Variants in RGPD8 observed in about 807,000 individuals in gnomAD.
The protein encoded by RGPD8 is RANBP2-like and GRIP domain-containing protein 8.
RGPD8 carries 15 observed loss-of-function variants against 89.1 expected under a neutral mutation model. The observed-to-expected ratio is 0.17, with a 90% CI of 0.11 to 0.26. The LOEUF (loss-of-function observed/expected upper bound fraction) is 0.26, where lower values mean the gene tolerates loss of function less well. Among genes scored for constraint, RGPD8 ranks in the 10% least tolerant of loss-of-function variants. The pLI is 1.00. For missense variants in RGPD8, 178 were observed against 1,179.6 expected, an observed-to-expected ratio of 0.15 and a Z score of 12.44; for synonymous variants, 62 against 420.9, an observed-to-expected ratio of 0.15 and a Z score of 10.44.
intron 7 of RGPD8, among the ~76,000 whole-genome samples, chr2:112,410,618 A>G (rs1679136316): frequency 6.7e-6 from 1 of 149,216 alleles, no homozygotes; most frequent in Non-Finnish European, 1.5e-5. Context: ...TCTATTAAAA[A>G]ATACAAAAAA....
intron 6 of RGPD8, among the ~76,000 whole-genome samples, chr2:112,415,857 T>A (rs1221052075): frequency 6.8e-6 from 1 of 146,204 alleles, no homozygotes; most frequent in Non-Finnish European, 1.5e-5. Context: ...CATGCCAACC[T>A]GGCGAGAGCA....
At chr2:112,424,721 G>A (rs2104831836) in intron 1 of RGPD8, among the ~76,000 whole-genome samples, 1 of 151,726 alleles carries the variant, frequency 6.6e-6, no homozygotes, top group Admixed American at 6.6e-5. Context: ...GGGCGACAGA[G>A]ACTCCATCTC....
chr2:112,428,075 T>G (rs1449634910), intron 1 of RGPD8, among the ~76,000 whole-genome samples: 8 of 152,296 alleles, frequency 5.3e-5, no homozygotes, highest in African/African-American at 1.9e-4. Flanking sequence ...CAGAAAACCT[T>G]TAAGTTACCA....
chr2:112,382,444 GA>G (rs1300079684), intron 20 of RGPD8, among the ~76,000 whole-genome samples: 1 of 149,906 alleles, frequency 6.7e-6, no homozygotes, highest in African/African-American at 2.4e-5. Flanking sequence ...CAGAGTAACA[GA>G]CCAAGTTTAG....
At chr2:112,371,815 A>C (rs1475179618) in intron 22 of RGPD8, among the ~76,000 whole-genome samples, 1 of 143,524 alleles carries the variant, frequency 7.0e-6, no homozygotes, top group Non-Finnish European at 1.5e-5. Context: ...GTGTTTTCAT[A>C]CGTATATATG....
At chr2:112,376,471 A>G (rs1157768485) in intron 22 of RGPD8, among the ~76,000 whole-genome samples, 3 of 115,478 alleles carry the variant, frequency 2.6e-5, no homozygotes, top group Middle Eastern at 3.7e-3. Context: ...TCTTCAATTA[A>G]TAAGTGGCAC....
chr2:112,408,909 C>T (rs1341157715), intron 7 of RGPD8, among the ~76,000 whole-genome samples: 17 of 151,780 alleles, frequency 1.1e-4, no homozygotes, highest in Middle Eastern at 3.4e-3. Flanking sequence ...TGACCTTAAG[C>T]GATCCGCCCG....
intron 6 of RGPD8, 26 bp downstream of exon 6, chr2:112,417,167 A>C: frequency 6.2e-7 from 1 of 1,608,230 alleles, no homozygotes; most frequent in South Asian, 1.1e-5. Flanking sequence ...ATTTATACTA[A>C]AGCATTCTCC....
intron 1 of RGPD8, among the ~76,000 whole-genome samples, chr2:112,432,974 G>T (rs1278832626): frequency 1.7e-5 from 2 of 120,532 alleles, no homozygotes; most frequent in Non-Finnish European, 3.9e-5. Context: ...GGTCGAGGCC[G>T]CCGCCTCAAC....
chr2:112,373,029 T>C lies in RGPD8; in HGVS notation c.5264-2817A>G, dbSNP rs556791247. 4.5e-4 allele frequency among the ~76,000 whole-genome samples: 66 copies of C among 146,000 alleles called. 8 individuals are homozygous for C. Among genetic ancestry groups the C allele is most frequent in the African/African-American group, 1.5e-3 (53 of 36,152 alleles). On this transcript the variant is annotated intron_variant, in intron 22 of 22. Coordinates refer to ENST00000302558, the MANE Select transcript of RGPD8 (RefSeq NM_001164463.1). Reference sequence around the variant, plus strand: ...ACCCAGTCTGGGAGCAAAGAAGATATAGAAAAATGACTTTTACTTCCAGCT... The same window carrying C: ...ACCCAGTCTGGGAGCAAAGAAGATACAGAAAAATGACTTTTACTTCCAGCT...
intron 9 of RGPD8, among the ~76,000 whole-genome samples, chr2:112,402,425 T>C (rs1236865491): frequency 3.4e-5 from 5 of 147,788 alleles, no homozygotes; most frequent in Admixed American, 6.8e-5. Context: ...GACAATTGCT[T>C]GAACCTGGCA....
chr2:112,422,469 A>G (rs1679596300), intron 3 of RGPD8, 79 bp downstream of exon 3: 1 of 1,560,062 alleles, frequency 6.4e-7, no homozygotes, highest in Admixed American at 1.8e-5. Context: ...TATAAAATAT[A>G]TTTGACTTAC....
Position 112,377,363 on chromosome 2 carries a change from C to T in RGPD8, c.5263+690G>A, listed in dbSNP as rs1327258551. 2.8e-5 allele frequency among the ~76,000 whole-genome samples: 3 copies of T among 107,986 alleles called. 1 individual carries two copies. Among genetic ancestry groups the T allele is most frequent in the Admixed American group, 1.9e-4 (2 of 10,442 alleles). The allele number at this position is 107,986 out of a possible 152,430, so 70.8% of individuals were successfully genotyped here. On this transcript the variant is annotated intron_variant, in intron 22 of 22. Transcript: ENST00000302558. ...GTGGCGTGACACATCACTGCAACCTCCGCCTCGTGAGTTCAAGCGACTCTG... is the reference window on the plus strand; with the variant it reads ...GTGGCGTGACACATCACTGCAACCTTCGCCTCGTGAGTTCAAGCGACTCTG...
intron 22 of RGPD8, among the ~76,000 whole-genome samples, chr2:112,377,280 GTTTTTT>G (rs1189164529): frequency 5.7e-5 from 3 of 52,442 alleles, no homozygotes; most frequent in Non-Finnish European, 3.3e-5. Flanking sequence ...CTACATCATA[GTTTTTT>G]TTTTTTTTTT....
intron 6 of RGPD8, among the ~76,000 whole-genome samples, chr2:112,414,938 T>C (rs1227273127): frequency 5.8e-5 from 7 of 121,120 alleles, no homozygotes; most frequent in South Asian, 6.2e-4. Flanking sequence ...GAGAATGGCA[T>C]GAACCCTGGA....
intron 1 of RGPD8, among the ~76,000 whole-genome samples, chr2:112,426,907 C>T (rs1489132900): frequency 1.3e-5 from 2 of 149,690 alleles, no homozygotes; most frequent in Admixed American, 6.7e-5. Context: ...CTCACTGCAA[C>T]CTCTGCGTCC....
Position 112,387,821 on chromosome 2 carries a change from T to C in RGPD8, c.4921+203A>G, listed in dbSNP as rs1181570755. 2.7e-5 allele frequency among the ~76,000 whole-genome samples: 4 copies of C among 146,244 alleles called. 1 individual carries two copies. The highest frequency in any genetic ancestry group is 1.0e-4 in the African/African-American group (4 of 40,086). On this transcript the variant is annotated intron_variant, in intron 20 of 22. Transcript: ENST00000302558. ...CATGATAGAAGTATCTTCCAGTTAC[T>C]GAAATGTCTTTAACTAAGTTCTCTT...
chr2:112,433,169 C>A (rs1393921706), intron 1 of RGPD8, among the ~76,000 whole-genome samples: 1 of 129,256 alleles, frequency 7.7e-6, no homozygotes, highest in African/African-American at 3.0e-5. Flanking sequence ...CAACAGAGCG[C>A]GCCAGGGAGC....
At chr2:112,414,257 C>T (rs1482763655) in intron 6 of RGPD8, among the ~76,000 whole-genome samples, 1 of 128,182 alleles carries the variant, frequency 7.8e-6, no homozygotes, top group African/African-American at 3.2e-5. Flanking sequence ...GGGTGGATCA[C>T]CTGAGGTCAG....
Sources: allele counts gnomAD v4.1 joint callset (sites outside exome capture counted in the v4.1 genomes callset), GRCh38; gene constraint gnomAD v4.1.1; transcripts MANE v1.5; gene names NCBI Gene and HGNC (gene_info 2026-07-23, HGNC 2026-07-21).